Variants in GALNT13 observed in about 807,000 individuals in gnomAD.
The protein encoded by GALNT13 is UDP-GalNAc:polypeptide N-acetylgalactosaminyltransferase 13.
GALNT13 carries 28 observed loss-of-function variants against 64.2 expected under a neutral mutation model. The ratio of observed to expected loss-of-function variants is 0.44; its 90% CI spans 0.32 to 0.60. The LOEUF is 0.60. GALNT13 is among the 20% of genes least tolerant of loss of function. GALNT13 has a pLI of 0.05. For missense variants in GALNT13, 577 were observed against 669.8 expected (o/e 0.86, Z 1.53); for synonymous variants, 214 against 224.6 (o/e 0.95, Z 0.42).
At chr2:154,068,754 T>C (rs1700595291) in intron 3 of GALNT13, among the ~76,000 whole-genome samples, 1 of 152,014 alleles carries the variant, frequency 6.6e-6, no homozygotes. Context: ...GAAGTGGAGA[T>C]GATTAATGAG....
the GALNT13 span, among the ~76,000 whole-genome samples, chr2:153,572,157 A>G: frequency 2.6e-5 from 4 of 151,654 alleles, no homozygotes; most frequent in African/African-American, 9.7e-5. Flanking sequence ...AGAGTTCTTC[A>G]TGGTTCAATC....
At chr2:153,366,994 C>A in the GALNT13 span, among the ~76,000 whole-genome samples, 1 of 131,796 alleles carries the variant, frequency 7.6e-6, no homozygotes. Context: ...AAAATAAAGA[C>A]TTTCTCAAGC....
At chr2:153,260,233 T>G in the GALNT13 span, among the ~76,000 whole-genome samples, 132 of 152,328 alleles carry the variant, frequency 8.7e-4, 1 homozygote, top group African/African-American at 3.1e-3. Flanking sequence ...AAGATATGAG[T>G]AGTTTACACA....
At chr2:153,196,113 G>T in the GALNT13 span, among the ~76,000 whole-genome samples, 1 of 152,200 alleles carries the variant, frequency 6.6e-6, no homozygotes, top group Non-Finnish European at 1.5e-5. Flanking sequence ...TCAGGAAAAG[G>T]TACCACAAGT....
intron 3 of GALNT13, among the ~76,000 whole-genome samples, chr2:153,953,822 C>T (rs1181211203): frequency 6.6e-6 from 1 of 152,010 alleles, no homozygotes; most frequent in Non-Finnish European, 1.5e-5. Context: ...CACTTTTGTC[C>T]CTCAGACCTC....
At chr2:153,194,361 G>A in the GALNT13 span, among the ~76,000 whole-genome samples, 1 of 151,952 alleles carries the variant, frequency 6.6e-6, no homozygotes, top group Non-Finnish European at 1.5e-5. Flanking sequence ...ACTTTCTGCT[G>A]CTTTATCTAG....
intron 2 of GALNT13, among the ~76,000 whole-genome samples, chr2:153,923,332 T>C (rs1689882648): frequency 6.6e-6 from 1 of 152,192 alleles, no homozygotes; most frequent in Admixed American, 6.5e-5. Flanking sequence ...GAAAATAAAA[T>C]GTTGATTGCT....
chr2:153,275,820 C>CTTAATT, the GALNT13 span, among the ~76,000 whole-genome samples: 1 of 151,862 alleles, frequency 6.6e-6, no homozygotes, highest in East Asian at 1.9e-4. Flanking sequence ...AGAAGTAGAG[C>CTTAATT]TTAAGGTTGA....
chr2:153,465,867 C>T, the GALNT13 span, among the ~76,000 whole-genome samples: 1 of 151,964 alleles, frequency 6.6e-6, no homozygotes, highest in African/African-American at 2.4e-5. Flanking sequence ...GAAAAAGTCA[C>T]ATGTGAGTGA....
chr2:153,132,508 A>C, the GALNT13 span, among the ~76,000 whole-genome samples: 1 of 152,130 alleles, frequency 6.6e-6, no homozygotes, highest in East Asian at 1.9e-4. Flanking sequence ...CAACAGAATA[A>C]ATTTCAAGAG....
At chr2:153,430,871 G>A in the GALNT13 span, among the ~76,000 whole-genome samples, 1 of 152,018 alleles carries the variant, frequency 6.6e-6, no homozygotes, top group African/African-American at 2.4e-5. Context: ...AGTTGACGTA[G>A]CCAGGCATGG....
the GALNT13 span, among the ~76,000 whole-genome samples, chr2:153,823,400 A>T: frequency 6.6e-6 from 1 of 152,222 alleles, no homozygotes; most frequent in Non-Finnish European, 1.5e-5. Flanking sequence ...TAACCAAAAC[A>T]GCATGGTACT....
At chr2:154,112,891 G>T (rs1574523712) in intron 3 of GALNT13, among the ~76,000 whole-genome samples, 1 of 152,186 alleles carries the variant, frequency 6.6e-6, no homozygotes, top group Admixed American at 6.5e-5. Context: ...GGTGGCCGGA[G>T]TACAGACCAT....
At chr2:153,156,548 C>G in the GALNT13 span, among the ~76,000 whole-genome samples, 1 of 151,948 alleles carries the variant, frequency 6.6e-6, no homozygotes, top group Non-Finnish European at 1.5e-5. Flanking sequence ...TTCACTATTC[C>G]CCTAACTGAT....
At chr2:153,662,483 G>C in the GALNT13 span, among the ~76,000 whole-genome samples, 4 of 152,144 alleles carry the variant, frequency 2.6e-5, no homozygotes, top group African/African-American at 4.8e-5. Context: ...TTACTGCTCA[G>C]GCTTCTCTGG....
At chr2:153,306,367 A>G in the GALNT13 span, among the ~76,000 whole-genome samples, 1 of 152,228 alleles carries the variant, frequency 6.6e-6, no homozygotes, top group East Asian at 1.9e-4. Context: ...TGTGCGATAC[A>G]ATATTTGATA....
intron 3 of GALNT13, among the ~76,000 whole-genome samples, chr2:153,972,954 G>A (rs958754705): frequency 6.6e-6 from 1 of 151,850 alleles, no homozygotes; most frequent in African/African-American, 2.4e-5. Context: ...TTTTAGAACT[G>A]GTCACAATCT....
intron 4 of GALNT13, among the ~76,000 whole-genome samples, chr2:154,186,437 A>G (rs944163868): frequency 1.3e-5 from 2 of 152,102 alleles, no homozygotes; most frequent in Admixed American, 1.3e-4. Flanking sequence ...CAAAAGGTAC[A>G]TGTTGTTGCT....
chr2:154,140,543 A>T (rs762501227), intron 4 of GALNT13, 38 bp downstream of exon 4: 2 of 1,399,848 alleles, frequency 1.4e-6, no homozygotes, highest in East Asian at 2.3e-5. Flanking sequence ...TTATATTCAT[A>T]ATCACCATAT....
Sources: gnomAD v4.1 joint callset for allele counts (sites outside exome capture counted in the v4.1 genomes callset) on GRCh38, gnomAD v4.1.1 for gene constraint, MANE v1.5 for transcripts, NCBI Gene and HGNC (gene_info 2026-07-23, HGNC 2026-07-21) for gene names.